The following WT1 variants were observed in gnomAD, a reference collection of about 807,000 sequenced individuals.
The protein encoded by WT1 is WT1 transcription factor, also known as Wilms tumor protein.
Under a neutral mutation model 60.8 loss-of-function variants are expected in WT1, and 8 were observed. The observed-to-expected ratio is 0.13, with a 90% confidence interval of 0.08 to 0.24. The LOEUF (loss-of-function observed/expected upper bound fraction) is 0.24. Among genes scored for constraint, WT1 ranks in the 10% least tolerant of loss-of-function variants. The pLI is 1.00. For missense variants in WT1, 568 were observed against 711.8 expected (o/e 0.80, Z 2.30); for synonymous variants, 312 against 297.1 (o/e 1.05, Z -0.52).
chr11:32,431,452 T>C (rs1270548895), intron 1 of WT1, among the ~76,000 whole-genome samples: 6 of 85,608 alleles, frequency 7.0e-5, no homozygotes, highest in Admixed American at 9.8e-5. Flanking sequence ...TTTTTTTTTT[T>C]CCGAGACGGA....
rs758900425 is a variant in WT1 at position 32,434,881 on chromosome 11, C to T, written c.480G>A (p.Gln160=). The T allele has an allele frequency of 8.1e-6, 13 of 1,612,322 alleles. No individual in the cohort carries two copies. The highest frequency in any genetic ancestry group is 1.0e-5 in the Non-Finnish European group (12 of 1,179,826). ...AGTGGACAGTGAAGGCGCTCAGGCA[C>T]TGCTCCTCGTGCGGCTCCGCGCCGC... Residue 160 remains glutamine, a synonymous_variant, in exon 1 of 10, where the codon CAG becomes CAA. Transcript: ENST00000452863.
intron 5 of WT1, among the ~76,000 whole-genome samples, chr11:32,402,047 G>A (rs1305368902): frequency 6.6e-6 from 1 of 152,156 alleles, no homozygotes; most frequent in African/African-American, 2.4e-5. Context: ...AGAGGAGAGA[G>A]TGCCTGAAGG....
chr11:32,402,668 C>T (rs960724977), intron 5 of WT1, among the ~76,000 whole-genome samples: 2 of 152,246 alleles, frequency 1.3e-5, no homozygotes, highest in African/African-American at 4.8e-5. Flanking sequence ...GCTTCCATCT[C>T]CCAAAGAGCT....
chr11:32,415,271 C>T (rs1852628654), intron 5 of WT1, among the ~76,000 whole-genome samples: 1 of 152,066 alleles, frequency 6.6e-6, no homozygotes. Context: ...TTATCAAGTT[C>T]TGAGGAGAGG....
intron 1 of WT1, chr11:32,429,041 C>A (rs1283907534): frequency 3.2e-6 from 1 of 309,324 alleles, no homozygotes; most frequent in Admixed American, 4.2e-5. Flanking sequence ...CTGGGCTAAC[C>A]CCGCGTTGAC....
At chr11:32,408,514 T>TAAAAAA (rs58685266) in intron 5 of WT1, among the ~76,000 whole-genome samples, 43 of 74,226 alleles carry the variant, frequency 5.8e-4, no homozygotes, top group African/African-American at 9.7e-4. Flanking sequence ...GACTACGTCT[T>TAAAAAA]AAAAAAAAAA....
At chr11:32,422,210 C>G (rs1166576205) in intron 3 of WT1, among the ~76,000 whole-genome samples, 1 of 152,196 alleles carries the variant, frequency 6.6e-6, no homozygotes, top group African/African-American at 2.4e-5. Context: ...ATTTCACAGT[C>G]ACTCTCTTGG....
intron 5 of WT1, among the ~76,000 whole-genome samples, chr11:32,412,952 C>T (rs2133016857): frequency 6.6e-6 from 1 of 152,128 alleles, no homozygotes. Context: ...TTTCATCTGC[C>T]CATGTTCTTT....
At chr11:32,420,794 C>G (rs972765160) in intron 3 of WT1, among the ~76,000 whole-genome samples, 1 of 152,138 alleles carries the variant, frequency 6.6e-6, no homozygotes, top group Non-Finnish European at 1.5e-5. Flanking sequence ...TGCAAGATGC[C>G]CCATGTGTCC....
chr11:32,430,464 G>C (rs1459240246), intron 1 of WT1: 3 of 1,394,772 alleles, frequency 2.2e-6, no homozygotes, highest in Non-Finnish European at 2.9e-6. Context: ...GGGAGAGAGA[G>C]AGAGAGAGAG....
At chr11:32,399,666 A>G (rs1852086586) in intron 6 of WT1, among the ~76,000 whole-genome samples, 1 of 152,242 alleles carries the variant, frequency 6.6e-6, no homozygotes, top group African/African-American at 2.4e-5. Context: ...AAAGCTGCAC[A>G]GCCCGCCCTG....
At position 32,434,871 on chromosome 11, in the gene WT1, C is replaced by A. The variant is rs986597775; in HGVS notation, c.490G>T (p.Ala164Ser). The stretch of plus-strand genomic sequence containing the variant: ...TGGCCGGAAAAGTGGACAGTGAAGG[C>A]GCTCAGGCACTGCTCCTCGTGCGGC... Residue 164 changes from alanine (A) to serine (S), a missense_variant, in exon 1 of 10, where the codon GCC (alanine) becomes TCC (serine). Transcript: ENST00000452863. 3 of 1,612,534 alleles carry A rather than the reference C, an allele frequency of 1.9e-6. No homozygotes were observed. The highest frequency in any genetic ancestry group is 2.5e-6 in the Non-Finnish European group (3 of 1,179,828).
intron 7 of WT1, 95 bp downstream of exon 7, chr11:32,396,162 A>G: frequency 6.4e-7 from 1 of 1,571,648 alleles, no homozygotes; most frequent in Admixed American, 1.7e-5. Flanking sequence ...CTTACTTTCC[A>G]TCCTGGAAAT....
intron 3 of WT1, among the ~76,000 whole-genome samples, chr11:32,418,733 A>C (rs1233544850): frequency 6.6e-6 from 1 of 152,204 alleles, no homozygotes; most frequent in Admixed American, 6.5e-5. Flanking sequence ...GCCAAGCATA[A>C]CTGGGAACTT....
chr11:32,392,109 C>T (rs1851836014), intron 8 of WT1, 45 bp from the exon 9 acceptor site: 3 of 1,569,478 alleles, frequency 1.9e-6, no homozygotes, highest in Non-Finnish European at 2.6e-6. Flanking sequence ...ACAATGTGGG[C>T]ACAGTGAGGC....
At position 32,428,477 on chromosome 11, in the gene WT1, A is replaced by G; in HGVS notation, c.784+20T>C. 6.2e-7 allele frequency: 1 copy of G among 1,613,898 alleles called. No homozygotes were observed. Among genetic ancestry groups the G allele is most frequent in the South Asian group, 1.1e-5 (1 of 91,082 alleles). ...CACGGAAGAAGGGGAGAAGGACTCC[A>G]CTTGGTTCCGCTCGCTTACCCAGCG... On this transcript the variant is annotated intron_variant, in intron 2 of 9. Transcript: ENST00000452863.
At chr11:32,424,087 G>A (rs757358717) in intron 3 of WT1, among the ~76,000 whole-genome samples, 28 of 149,100 alleles carry the variant, frequency 1.9e-4, no homozygotes, top group African/African-American at 6.5e-4. Context: ...TCTTGAACCC[G>A]GCAGGCAGAG....
rs1408351200 is a variant in WT1, at chr11:32,411,754, C to G, written c.1016+4736G>C. Among the ~76,000 whole-genome samples the G allele has an allele frequency of 2.0e-5, 3 of 152,330 alleles. No individual in the cohort carries two copies. The East Asian group carries it at 5.8e-4, about 29-fold the overall frequency. ...GGAAAGAAGCTTCCGAATCAGTCCA[C>G]ACTAAGTGAGAGGGACACAGAGCTA... On this transcript the variant is annotated intron_variant, in intron 5 of 9. Coordinates refer to ENST00000452863, the MANE Select transcript of WT1 (RefSeq NM_024426.6).
At chr11:32,430,260 G>C (rs1236206313) in intron 1 of WT1, among the ~76,000 whole-genome samples, 12 of 152,130 alleles carry the variant, frequency 7.9e-5, no homozygotes, top group Admixed American at 7.9e-4. Context: ...GCATGGGCGA[G>C]CACGTTTGGG....
Sources: allele counts gnomAD v4.1 joint callset (sites outside exome capture counted in the v4.1 genomes callset), GRCh38; gene constraint gnomAD v4.1.1; transcripts MANE v1.5; gene names NCBI Gene and HGNC (gene_info 2026-07-23, HGNC 2026-07-21).